Variants in DISP1 observed in about 807,000 individuals in gnomAD.
The protein encoded by DISP1 is protein dispatched homolog 1.
In DISP1, 30 loss-of-function variants were observed where a neutral mutation model predicts 37.3. That is an observed-to-expected ratio of 0.80 (90% CI 0.60 to 1.09). The LOEUF (loss-of-function observed/expected upper bound fraction) is 1.09, where lower values mean the gene tolerates loss of function less well. Ranked by LOEUF, DISP1 falls within the 50% of genes least tolerant of loss-of-function variation. The probability of loss-of-function intolerance (pLI) is 0.00; values close to 1 mark genes in which losing one functional copy is unlikely to be tolerated. For missense variants in DISP1, 1,598 were observed against 1,879.5 expected (o/e 0.85, Z 2.77); for synonymous variants, 634 against 690.2 (o/e 0.92, Z 1.28).
intron 1 of DISP1, among the ~76,000 whole-genome samples, chr1:222,838,267 A>G (rs1453759216): frequency 6.6e-6 from 1 of 151,962 alleles, no homozygotes; most frequent in East Asian, 1.9e-4. Flanking sequence ...CTGTTTTTCT[A>G]TAACTTGTTT....
chr1:222,877,866 G>C (rs1039990900), intron 1 of DISP1, among the ~76,000 whole-genome samples: 4 of 152,176 alleles, frequency 2.6e-5, no homozygotes, highest in Non-Finnish European at 4.4e-5. Flanking sequence ...GGGAGGGCAG[G>C]ATGGTCCAAC....
At chr1:222,897,067 C>A (rs1021009571) in intron 1 of DISP1, among the ~76,000 whole-genome samples, 5 of 152,136 alleles carry the variant, frequency 3.3e-5, no homozygotes, top group African/African-American at 1.2e-4. Flanking sequence ...GAATCTTATT[C>A]GTAATAGCCC....
At chr1:222,906,405 T>C (rs561278965) in intron 1 of DISP1, among the ~76,000 whole-genome samples, 22 of 152,258 alleles carry the variant, frequency 1.4e-4, no homozygotes, top group African/African-American at 5.3e-4. Context: ...CCATCTTAAA[T>C]AGGGGCTGGG....
At chr1:222,906,625 C>A (rs928523237) in intron 1 of DISP1, among the ~76,000 whole-genome samples, 24 of 152,230 alleles carry the variant, frequency 1.6e-4, no homozygotes, top group African/African-American at 5.8e-4. Flanking sequence ...CTCCCACCAG[C>A]GCCATGACAG....
At chr1:222,936,577 A>ATCATATATATGAGAGATATATATATCTC (rs1673748442) in intron 2 of DISP1, among the ~76,000 whole-genome samples, 1 of 118,050 alleles carries the variant, frequency 8.5e-6, no homozygotes, top group East Asian at 2.4e-4. Flanking sequence ...TATAATATAT[A>ATCATATATATGAGAGATATATATATCTC]TCATATATAT....
chr1:222,890,259 A>G (rs761384932), intron 1 of DISP1, among the ~76,000 whole-genome samples: 49 of 152,164 alleles, frequency 3.2e-4, no homozygotes, highest in Non-Finnish European at 6.9e-4. Flanking sequence ...AACACCAACT[A>G]TGTGCCAGAC....
chr1:222,822,966 T>G (rs1238661440), intron 1 of DISP1, among the ~76,000 whole-genome samples: 1 of 152,196 alleles, frequency 6.6e-6, no homozygotes, highest in Non-Finnish European at 1.5e-5. Context: ...TCGTAACTGT[T>G]AGCTAGTCTG....
intron 1 of DISP1, among the ~76,000 whole-genome samples, chr1:222,845,379 T>G (rs550500976): frequency 6.6e-6 from 1 of 152,298 alleles, no homozygotes; most frequent in Non-Finnish European, 1.5e-5. Flanking sequence ...TATATGTTGT[T>G]CTGACATTTA....
intron 1 of DISP1, among the ~76,000 whole-genome samples, chr1:222,868,093 A>G (rs1389244249): frequency 6.6e-6 from 1 of 152,144 alleles, no homozygotes; most frequent in Admixed American, 6.6e-5. Context: ...TTAAGAAAAG[A>G]CTAGATTAGC....
chr1:222,851,384 C>T (rs933159192), intron 1 of DISP1, among the ~76,000 whole-genome samples: 9 of 151,934 alleles, frequency 5.9e-5, no homozygotes, highest in East Asian at 1.9e-4. Context: ...ATTTTTTAAA[C>T]GAGAGGTTCC....
At chr1:222,867,158 T>G (rs1669240026) in intron 1 of DISP1, among the ~76,000 whole-genome samples, 1 of 152,230 alleles carries the variant, frequency 6.6e-6, no homozygotes, top group Non-Finnish European at 1.5e-5. Context: ...ATTTTAGAGA[T>G]GAAGAAACTT....
At chr1:222,920,461 C>G (rs1337318219) in intron 1 of DISP1, among the ~76,000 whole-genome samples, 1 of 152,104 alleles carries the variant, frequency 6.6e-6, no homozygotes, top group Non-Finnish European at 1.5e-5. Flanking sequence ...TTTGTTATGG[C>G]TGAAGTGATT....
intron 8 of DISP1, among the ~76,000 whole-genome samples, chr1:223,000,816 T>G (rs1228426114): frequency 6.6e-6 from 1 of 152,192 alleles, no homozygotes; most frequent in African/African-American, 2.4e-5. Context: ...TGCTCTACTT[T>G]GAGAAGACAT....
chr1:222,941,424 T>G (rs1481926584), intron 2 of DISP1, among the ~76,000 whole-genome samples: 1 of 152,174 alleles, frequency 6.6e-6, no homozygotes, highest in East Asian at 1.9e-4. Flanking sequence ...GGAAGTAACA[T>G]CTACTTGATT....
intron 1 of DISP1, among the ~76,000 whole-genome samples, chr1:222,845,471 CT>C (rs1245440650): frequency 4.6e-5 from 7 of 152,076 alleles, no homozygotes; most frequent in African/African-American, 1.7e-4. Context: ...GACTTAGGTA[CT>C]TTTTCCATGT....
chr1:223,002,612 A>G lies in DISP1; in HGVS notation c.1215A>G (p.Arg405=), dbSNP rs1449136383. 1 of 1,614,210 alleles carries G rather than the reference A, an allele frequency of 6.2e-7. No individual in the cohort carries two copies. The highest frequency in any genetic ancestry group is 1.1e-5 in the South Asian group (1 of 91,084). The stretch of plus-strand genomic sequence containing the variant: ...ACTGCTGGGACATGGCAGCCAGAAG[A>G]AAGGACCAGCTCAAGTGCACCAATG... ...GPDCWDMAAR[R]KDQLKCTNVP... is the part of the protein sequence containing the mutation. Residue 405 remains arginine, a synonymous_variant, in exon 9 of 9, where the codon AGA becomes AGG. Coordinates refer to ENST00000675850, the MANE Select transcript of DISP1 (RefSeq NM_001377229.1).
At chr1:222,874,130 C>G (rs1049107036) in intron 1 of DISP1, among the ~76,000 whole-genome samples, 7 of 152,212 alleles carry the variant, frequency 4.6e-5, no homozygotes. Flanking sequence ...TGTAGAGTTT[C>G]TGCCAAGAGA....
At chr1:222,919,998 G>C (rs911067636) in intron 1 of DISP1, among the ~76,000 whole-genome samples, 3 of 152,158 alleles carry the variant, frequency 2.0e-5, no homozygotes, top group Non-Finnish European at 4.4e-5. Context: ...AATGATGACA[G>C]GTGTTTGTAT....
At chr1:222,939,129 G>A (rs2125483108) in intron 2 of DISP1, among the ~76,000 whole-genome samples, 1 of 152,152 alleles carries the variant, frequency 6.6e-6, no homozygotes, top group African/African-American at 2.4e-5. Flanking sequence ...ATTACAAGAA[G>A]TCTCCCAAGT....
Sources: gnomAD v4.1 joint callset for allele counts (sites outside exome capture counted in the v4.1 genomes callset) on GRCh38, gnomAD v4.1.1 for gene constraint, MANE v1.5 for transcripts, NCBI Gene and HGNC (gene_info 2026-07-23, HGNC 2026-07-21) for gene names.